Variants in EFHC2 observed in about 807,000 individuals in gnomAD.
EFHC2 encodes EF-hand domain containing 2.
EFHC2 carries 18 observed loss-of-function variants against 52.7 expected under a neutral mutation model. The observed-to-expected ratio is 0.34, with a 90% CI of 0.24 to 0.51. EFHC2 has a LOEUF of 0.51. Among genes scored for constraint, EFHC2 ranks in the 20% least tolerant of loss-of-function variants. The pLI is 0.97. For synonymous variants in EFHC2, 203 were observed against 204.1 expected (o/e 0.99, Z 0.04); for missense variants, 513 against 562.5 (o/e 0.91, Z 0.89).
At chrX:44,197,244 A>G (rs980693516) in intron 11 of EFHC2, among the ~76,000 whole-genome samples, 1 of 111,938 alleles carries the variant, frequency 8.9e-6, no homozygotes, top group African/African-American at 3.2e-5. Flanking sequence ...TGATCCTATT[A>G]AGTGAGTGAA....
rs926017214 is a variant in EFHC2 at position 44,162,867 on chromosome X, ATCAGT to A, written c.2148+1050_2148+1054del. Among the ~76,000 whole-genome samples the A allele has an allele frequency of 2.7e-5, 3 of 110,992 alleles. 1 individual carries two copies. The highest frequency in any genetic ancestry group is 5.7e-5 in the Non-Finnish European group (3 of 52,965). ...AAATCACGAACGTACCAATTCCCCC[ATCAGT>A]AGTGGGCCCCTCAAAGGTAGCAGTG... On this transcript the variant is annotated intron_variant, in intron 14 of 14. Transcript: ENST00000420999.
At chrX:44,267,164 A>G (rs2037584150) in intron 3 of EFHC2, among the ~76,000 whole-genome samples, 1 of 112,323 alleles carries the variant, frequency 8.9e-6, no homozygotes, top group South Asian at 3.7e-4. Context: ...TGGTGTATTT[A>G]ACTGACAATT....
rs6610900 is a variant in EFHC2, at chrX:44,179,960, G to A, written c.1752-1396C>T. Among the ~76,000 whole-genome samples the A allele has an allele frequency of 4.4e-3, 490 of 112,210 alleles. 15 individuals are homozygous for A. In the East Asian group the frequency reaches 0.11, roughly 24 times the overall value. ...GGTCCTGTGCTAGCAGGGACTTCTG[G>A]CATCTAGCCTAGGAGGTGGTGCTAC... On this transcript the variant is annotated intron_variant, in intron 11 of 14. Coordinates refer to ENST00000420999, the MANE Select transcript of EFHC2 (RefSeq NM_025184.4).
chrX:44,196,754 T>C (rs1054774354), intron 11 of EFHC2, among the ~76,000 whole-genome samples: 1 of 112,273 alleles, frequency 8.9e-6, no homozygotes, highest in Admixed American at 9.4e-5. Context: ...AAGAAATGGA[T>C]GGAACTAATG....
chrX:44,265,455 G>C (rs1246115649), intron 3 of EFHC2, among the ~76,000 whole-genome samples: 1 of 110,933 alleles, frequency 9.0e-6, no homozygotes, highest in Non-Finnish European at 1.9e-5. Context: ...ATTTTTTGTA[G>C]AGACAGCCTT....
At chrX:44,208,351 G>C (rs1470772649) in intron 11 of EFHC2, among the ~76,000 whole-genome samples, 5 of 112,066 alleles carry the variant, frequency 4.5e-5, no homozygotes, top group Non-Finnish European at 9.4e-5. Context: ...CATGGATGCA[G>C]CTAGAGGCCA....
In EFHC2 at chrX:44,163,963, T is replaced by C. The variant is rs1386276806; in HGVS notation, c.2107A>G (p.Asn703Asp). The part of the protein sequence containing the change: ...SFFSALNWRK[N>D]PVPELQPASY... Reference sequence around the variant, plus strand: ...GCTGGTTGCAATTCAGGCACTGGATTCTTTCTCCAGTTCAGGGCAGAGAAA... The same window carrying C: ...GCTGGTTGCAATTCAGGCACTGGATCCTTTCTCCAGTTCAGGGCAGAGAAA... The change falls in exon 14 of 15, where the codon AAT becomes GAT. Residue 703 changes from asparagine (N) to aspartate (D), a missense_variant. Transcript: ENST00000420999. The C allele has an allele frequency of 6.8e-6, 8 of 1,170,815 alleles. No individual in the cohort carries two copies. The South Asian group carries it at 1.3e-4, about 20-fold the overall frequency.
intron 4 of EFHC2, among the ~76,000 whole-genome samples, chrX:44,253,617 C>T (rs1433820528): frequency 8.9e-6 from 1 of 112,176 alleles, no homozygotes; most frequent in African/African-American, 3.2e-5. Context: ...AAGGCAGCAG[C>T]CCCAGTCACA....
intron 7 of EFHC2, among the ~76,000 whole-genome samples, chrX:44,244,776 G>A (rs1007188121): frequency 8.9e-6 from 1 of 111,923 alleles, no homozygotes; most frequent in African/African-American, 3.3e-5. Context: ...TACAGGTTTT[G>A]GGAGGCTGGA....
intron 2 of EFHC2, among the ~76,000 whole-genome samples, chrX:44,282,194 A>T: frequency 9.1e-6 from 1 of 110,437 alleles, no homozygotes; most frequent in South Asian, 3.9e-4. Flanking sequence ...GGCTTGGTGA[A>T]TTACGGCACA....
intron 2 of EFHC2, among the ~76,000 whole-genome samples, chrX:44,276,204 C>T (rs1012933099): frequency 9.0e-6 from 1 of 111,395 alleles, no homozygotes; most frequent in East Asian, 2.8e-4. Context: ...GATTGAAACA[C>T]TTTAGGCCAA....
intron 11 of EFHC2, among the ~76,000 whole-genome samples, chrX:44,198,353 G>A (rs1307928098): frequency 8.9e-6 from 1 of 111,741 alleles, no homozygotes; most frequent in Non-Finnish European, 1.9e-5. Context: ...AAAGAGAGAA[G>A]CCTAAGCGTG....
chrX:44,196,587 A>C (rs1284962177), intron 11 of EFHC2, among the ~76,000 whole-genome samples: 2 of 111,719 alleles, frequency 1.8e-5, no homozygotes, highest in East Asian at 5.6e-4. Flanking sequence ...AACTGCCCCC[A>C]TTCCAAAAGA....
intron 11 of EFHC2, among the ~76,000 whole-genome samples, chrX:44,216,319 C>A (rs894638934): frequency 8.9e-6 from 1 of 111,923 alleles, no homozygotes; most frequent in African/African-American, 3.3e-5. Flanking sequence ...TGACAAGGGC[C>A]ATTAGCTGAG....
At chrX:44,179,626 G>GTTGTT (rs954016516) in intron 11 of EFHC2, among the ~76,000 whole-genome samples, 6 of 111,802 alleles carry the variant, frequency 5.4e-5, no homozygotes, top group African/African-American at 1.9e-4. Flanking sequence ...AGTTTCCTGG[G>GTTGTT]TTGTTTTGTT....
intron 2 of EFHC2, among the ~76,000 whole-genome samples, chrX:44,289,988 C>T (rs1011674831): frequency 9.8e-5 from 11 of 112,205 alleles, no homozygotes; most frequent in African/African-American, 3.2e-4. Context: ...GCCCGGTCTA[C>T]GTCTTTCTGT....
At chrX:44,305,030 G>A (rs540047693) in intron 2 of EFHC2, among the ~76,000 whole-genome samples, 129 of 110,442 alleles carry the variant, frequency 1.2e-3, no homozygotes, top group African/African-American at 4.1e-3. Context: ...GGGAGGCTGA[G>A]GGGGGTGGAT....
At chrX:44,306,172 C>T (rs2037903993) in intron 2 of EFHC2, among the ~76,000 whole-genome samples, 2 of 111,240 alleles carry the variant, frequency 1.8e-5, no homozygotes, top group South Asian at 7.6e-4. Flanking sequence ...TTATAAAACC[C>T]GACCCAGCCC....
intron 3 of EFHC2, among the ~76,000 whole-genome samples, chrX:44,265,660 T>C (rs753648988): frequency 1.8e-5 from 2 of 111,740 alleles, no homozygotes; most frequent in South Asian, 3.7e-4. Flanking sequence ...ATTTCTTAGG[T>C]AAATGAAGAT....
Sources: allele counts gnomAD v4.1 joint callset (sites outside exome capture counted in the v4.1 genomes callset), GRCh38; gene constraint gnomAD v4.1.1; transcripts MANE v1.5; gene names NCBI Gene and HGNC (gene_info 2026-07-23, HGNC 2026-07-21).